The following NLGN4X variants were observed in gnomAD, a reference collection of about 807,000 sequenced individuals.
NLGN4X encodes neuroligin 4 X-linked, also known as neuroligin-4, X-linked.
A neutral mutation model predicts 40.3 loss-of-function variants in NLGN4X; 3 were observed. The ratio of observed to expected loss-of-function variants is 0.07; its 90% confidence interval spans 0.03 to 0.19. The LOEUF is 0.19. Ranked by LOEUF, NLGN4X falls within the 10% of genes least tolerant of loss-of-function variation. The probability of loss-of-function intolerance (pLI) is 1.00; values close to 1 mark genes in which losing one functional copy is unlikely to be tolerated. For missense variants in NLGN4X, 382 were observed against 708.3 expected (o/e 0.54, Z 5.23); for synonymous variants, 270 against 306.8 (o/e 0.88, Z 1.25).
chrX:6,127,851 A>G (rs769556365), intron 2 of NLGN4X, among the ~76,000 whole-genome samples: 1 of 112,479 alleles, frequency 8.9e-6, no homozygotes, highest in South Asian at 3.7e-4. Context: ...AAAGAAAAAT[A>G]TGTTGATGGC....
At chrX:5,950,485 C>T (rs987303509) in intron 3 of NLGN4X, among the ~76,000 whole-genome samples, 17 of 111,921 alleles carry the variant, frequency 1.5e-4, no homozygotes, top group Admixed American at 9.5e-4. Context: ...TGGGATGTGG[C>T]TGCACTGGAG....
At chrX:5,911,068 G>A (rs2032451671) in intron 3 of NLGN4X, among the ~76,000 whole-genome samples, 1 of 111,577 alleles carries the variant, frequency 9.0e-6, no homozygotes, top group African/African-American at 3.3e-5. Flanking sequence ...GGCTTTGCTT[G>A]GGAGAAAAGA....
At chrX:6,161,619 AATAAT>A (rs1168360323) in intron 1 of NLGN4X, among the ~76,000 whole-genome samples, 1 of 107,622 alleles carries the variant, frequency 9.3e-6, no homozygotes, top group African/African-American at 3.3e-5. Context: ...AGTTTGAAGA[AATAAT>A]ATAATAGATA....
At position 6,225,681 on chromosome X, in the gene NLGN4X, C is replaced by CTTTTTTTTTTTTTTT. The variant is rs1569309354; in HGVS notation, c.-306+2859_-306+2860insAAAAAAAAAAAAAAA. Among the ~76,000 whole-genome samples the CTTTTTTTTTTTTTTT allele has an allele frequency of 4.3e-3, 144 of 33,763 alleles. 1 individual carries two copies. The highest frequency in any genetic ancestry group is 5.9e-3 in the African/African-American group (48 of 8,183). The allele number at this position is 33,763 out of a possible 115,157, so 29.3% of individuals were successfully genotyped here. A position where few individuals can be genotyped will look rare whatever the true frequency, so the allele number is the denominator to read the frequency against. ...CTTTTTCTTTTCCTTTTTTTTCTTT[C>CTTTTTTTTTTTTTTT]TTTTTTTCTTTTTTTTTTTTTTTTT... On this transcript the variant is annotated intron_variant, in intron 1 of 5. Coordinates refer to ENST00000381095, the MANE Select transcript of NLGN4X (RefSeq NM_181332.3).
chrX:5,921,391 CAGAGAGAGAGAGAG>C (rs56879029), intron 3 of NLGN4X, among the ~76,000 whole-genome samples: 25 of 53,088 alleles, frequency 4.7e-4, no homozygotes, highest in South Asian at 1.4e-3. Context: ...GAAAATGAAC[CAGAGAGAGAGAGAG>C]AGAGAGAGAG....
At chrX:5,912,587 G>A (rs1270500460) in intron 3 of NLGN4X, among the ~76,000 whole-genome samples, 4 of 110,401 alleles carry the variant, frequency 3.6e-5, no homozygotes, top group Non-Finnish European at 3.8e-5. Context: ...GCCAAATCAT[G>A]TTTTCTATAA....
chrX:6,029,598 A>T (rs1231205934), intron 2 of NLGN4X, among the ~76,000 whole-genome samples, 166 bp from the exon 3 acceptor site: 1 of 112,071 alleles, frequency 8.9e-6, no homozygotes, highest in Non-Finnish European at 1.9e-5. Context: ...AAGGAAAATG[A>T]TCAATGCTAT....
At chrX:6,100,462 A>G (rs2038881591) in intron 2 of NLGN4X, among the ~76,000 whole-genome samples, 1 of 112,537 alleles carries the variant, frequency 8.9e-6, no homozygotes, top group African/African-American at 3.2e-5. Context: ...ATGCAAAGCT[A>G]AGTCAGGGTC....
intron 1 of NLGN4X, among the ~76,000 whole-genome samples, chrX:6,207,953 C>A (rs1924180682): frequency 8.9e-6 from 1 of 112,049 alleles, no homozygotes; most frequent in African/African-American, 3.2e-5. Context: ...AAAAACACAT[C>A]TGCCACATAA....
intron 4 of NLGN4X, among the ~76,000 whole-genome samples, chrX:5,904,796 C>T (rs1316194126): frequency 2.7e-5 from 3 of 111,980 alleles, no homozygotes; most frequent in African/African-American, 9.7e-5. Context: ...GAGTCGGGCA[C>T]TAAAGAATAA....
chrX:5,952,220 T>C (rs2034334999), intron 3 of NLGN4X, among the ~76,000 whole-genome samples: 1 of 111,628 alleles, frequency 9.0e-6, no homozygotes, highest in Non-Finnish European at 1.9e-5. Flanking sequence ...TGAGGACTCT[T>C]GGAAGACGAG....
chrX:6,096,171 C>T (rs2038771608), intron 2 of NLGN4X, among the ~76,000 whole-genome samples: 1 of 111,758 alleles, frequency 8.9e-6, no homozygotes, highest in Non-Finnish European at 1.9e-5. Flanking sequence ...CTAGTGGTGA[C>T]TTGGAGAGCT....
intron 3 of NLGN4X, among the ~76,000 whole-genome samples, chrX:6,015,320 T>A: frequency 8.9e-6 from 1 of 111,762 alleles, no homozygotes; most frequent in Non-Finnish European, 1.9e-5. Flanking sequence ...TACTACATCT[T>A]CCTTGGCAAA....
intron 2 of NLGN4X, among the ~76,000 whole-genome samples, chrX:6,139,403 T>C (rs764008439): frequency 8.9e-6 from 1 of 112,143 alleles, no homozygotes; most frequent in South Asian, 3.7e-4. Flanking sequence ...GTATTTTGCA[T>C]GTTAAATTAC....
At chrX:6,028,504 C>CA (rs2036767989) in intron 3 of NLGN4X, among the ~76,000 whole-genome samples, 1 of 109,647 alleles carries the variant, frequency 9.1e-6, no homozygotes, top group African/African-American at 3.3e-5. Flanking sequence ...ATTAAAAACA[C>CA]AAAAATTAGC....
At chrX:6,066,521 C>T (rs1169069925) in intron 2 of NLGN4X, among the ~76,000 whole-genome samples, 1 of 112,325 alleles carries the variant, frequency 8.9e-6, no homozygotes, top group Non-Finnish European at 1.9e-5. Context: ...CACAGTGGCT[C>T]ACACCTGTAA....
At position 6,063,773 on chromosome X, in the gene NLGN4X, G is replaced by A. The variant is rs190990020; in HGVS notation, c.473-34341C>T. On this transcript the variant is annotated intron_variant, in intron 2 of 5. Transcript: ENST00000381095. The stretch of plus-strand genomic sequence containing the variant: ...AAAAATCTTAGAGAATAAATGATTT[G>A]AAGAGTCAAATTTTGGGGTTGGTTG... Among the ~76,000 whole-genome samples, 4 of 112,199 alleles carry A rather than the reference G, an allele frequency of 3.6e-5. No individual in the cohort carries two copies. In the East Asian group the frequency reaches 8.4e-4, roughly 24 times the overall value.
intron 1 of NLGN4X, among the ~76,000 whole-genome samples, chrX:6,178,856 G>A (rs931185278): frequency 1.8e-5 from 2 of 110,945 alleles, no homozygotes; most frequent in South Asian, 7.6e-4. Flanking sequence ...GTAATCCAAG[G>A]AGCACAAGAC....
intron 1 of NLGN4X, among the ~76,000 whole-genome samples, chrX:6,222,136 G>T (rs1925769209): frequency 9.0e-6 from 1 of 111,154 alleles, no homozygotes; most frequent in Admixed American, 9.6e-5. Context: ...TCCTGAAAAA[G>T]GTGCCCTTAG....
Sources: gnomAD v4.1 joint callset for allele counts (sites outside exome capture counted in the v4.1 genomes callset) on GRCh38, gnomAD v4.1.1 for gene constraint, MANE v1.5 for transcripts, NCBI Gene and HGNC (gene_info 2026-07-23, HGNC 2026-07-21) for gene names.